The following MISP variants were observed in gnomAD, a reference collection of about 807,000 sequenced individuals.
The protein encoded by MISP is mitotic spindle positioning, also known as mitotic interactor and substrate of PLK1.
In MISP, 51 loss-of-function variants were observed where a neutral mutation model predicts 49.3. The ratio of observed to expected loss-of-function variants is 1.03; its 90% confidence interval spans 0.83 to 1.31. MISP has a LOEUF of 1.31. MISP is among the 50% of genes most tolerant of loss of function. The pLI, the probability that MISP is intolerant of heterozygous loss-of-function variation, is 0.00. For missense variants in MISP, 1,084 were observed against 935.1 expected, an observed-to-expected ratio of 1.16 and a Z score of -2.08; for synonymous variants, 444 against 392.6, an observed-to-expected ratio of 1.13 and a Z score of -1.55.
At position 757,675 on chromosome 19, in the gene MISP, C is replaced by T. The variant is rs140470169; in HGVS notation, c.729C>T (p.His243=). The T allele has an allele frequency of 2.8e-4, 452 of 1,613,708 alleles. No homozygotes were observed. Among genetic ancestry groups the T allele is most frequent in the Non-Finnish European group, 3.4e-4 (401 of 1,179,918 alleles). Residue 243 remains histidine, a synonymous_variant, in exon 2 of 5, where the codon CAC becomes CAT. Coordinates refer to ENST00000215582, the MANE Select transcript of MISP (RefSeq NM_173481.4). ...ACAAGCCCCACCTGGCCAACGGGCA[C>T]GTGGTTCCCATCAAGCCCCAGGTGA... ...AFNKPHLANG[H]VVPIKPQVKG...
chr19:763,011 C>T (rs768332242), intron 4 of MISP, among the ~76,000 whole-genome samples: 2 of 152,148 alleles, frequency 1.3e-5, no homozygotes, highest in Non-Finnish European at 2.9e-5. Context: ...ATACATTGGA[C>T]AGGCACGGTG....
At position 763,582 on chromosome 19, in the gene MISP, G is replaced by A. The variant is rs772635174; in HGVS notation, c.2032G>A (p.Asp678Asn). 4 of 1,613,424 alleles carry A rather than the reference G, an allele frequency of 2.5e-6. No individual in the cohort carries two copies. The highest frequency in any genetic ancestry group is 2.2e-5 in the South Asian group (2 of 91,058). Residue 678 changes from aspartate to asparagine, a missense_variant, in exon 5 of 5, where the codon GAT (aspartate) becomes AAT (asparagine). Transcript: ENST00000215582. ...WESRIYASEE[D>N]D is the part of the protein sequence containing the mutation. ...ATCCCGCATCTACGCCAGTGAGGAG[G>A]ATGACTGAGCCTCGGGATGGGGCGC... is the stretch of plus-strand genomic sequence containing the variant.
At chr19:759,621 C>T (rs1023322329) in intron 2 of MISP, among the ~76,000 whole-genome samples, 1 of 151,328 alleles carries the variant, frequency 6.6e-6, no homozygotes, top group Non-Finnish European at 1.5e-5. Flanking sequence ...AGGACGGTCT[C>T]GATCTCCTGA....
At chr19:762,916 C>T (rs1208750080) in intron 4 of MISP, among the ~76,000 whole-genome samples, 3 of 152,190 alleles carry the variant, frequency 2.0e-5, no homozygotes, top group Non-Finnish European at 4.4e-5. Flanking sequence ...AAGGGATCCT[C>T]CCACCTCAGC....
At chr19:751,435 G>A (rs960071307) in intron 1 of MISP, among the ~76,000 whole-genome samples, 1 of 152,186 alleles carries the variant, frequency 6.6e-6, no homozygotes, top group Admixed American at 6.5e-5. Context: ...AACTCTGCTG[G>A]GGCTTTTGAA....
At chr19:756,674 A>C (rs542103537) in intron 1 of MISP, among the ~76,000 whole-genome samples, 44 of 148,726 alleles carry the variant, frequency 3.0e-4, no homozygotes, top group Non-Finnish European at 5.6e-4. Flanking sequence ...AGAGAATGGG[A>C]TGCACTGATT....
chr19:759,954 C>G lies in MISP; in HGVS notation c.1826C>G (p.Pro609Arg), dbSNP rs2033645993. ...GTGTCTGAGTCTCCCTTCTTCAGCC[C>G]CATCCACCTACACTCAAACGTGGCG... Reference protein sequence around the residue: ...YSVSESPFFSPIHLHSNVAWT... With the variant: ...YSVSESPFFSRIHLHSNVAWT... The change falls in exon 3 of 5, where the codon CCC (proline) becomes CGC (arginine). Residue 609 changes from proline to arginine, a missense_variant. Coordinates refer to ENST00000215582, the MANE Select transcript of MISP (RefSeq NM_173481.4). 1.2e-6 allele frequency: 2 copies of G among 1,613,970 alleles called. No individual in the cohort carries two copies. The highest frequency in any genetic ancestry group is 1.7e-6 in the Non-Finnish European group (2 of 1,179,982).
rs368614247 is a variant in MISP, at chr19:758,491, C to G, written c.1545C>G (p.Asp515Glu). ...RLRPLRFRAP[D>E]EPQQAQVPHV... ...GTCCTCTGCGGTTCAGGGCCCCAGA[C>G]GAGCCCCAGCAGGCCCAAGTCCCCC... Residue 515 changes from aspartate to glutamate, a missense_variant, in exon 2 of 5, where the codon GAC becomes GAG. By Grantham distance (45) the Asp-to-Glu change is conservative. Transcript: ENST00000215582. The G allele has an allele frequency of 6.2e-7, 1 of 1,614,072 alleles. No homozygotes were observed. The highest frequency in any genetic ancestry group is 1.1e-5 in the South Asian group (1 of 91,078).
chr19:753,218 G>A (rs1191643656), intron 1 of MISP, among the ~76,000 whole-genome samples: 1 of 152,126 alleles, frequency 6.6e-6, no homozygotes, highest in Admixed American at 6.6e-5. Flanking sequence ...ATGCCGCCTG[G>A]TTTTCAATGT....
At chr19:762,603 C>G (rs1568245903) in intron 4 of MISP, among the ~76,000 whole-genome samples, 1 of 152,066 alleles carries the variant, frequency 6.6e-6, no homozygotes, top group Non-Finnish European at 1.5e-5. Flanking sequence ...TCAAGCCAAG[C>G]CCCCTCAGTC....
At chr19:751,350 T>C (rs1425976141) in intron 1 of MISP, among the ~76,000 whole-genome samples, 179 bp downstream of exon 1, 1 of 152,068 alleles carries the variant, frequency 6.6e-6, no homozygotes, top group Non-Finnish European at 1.5e-5. Context: ...CTGAGGCACC[T>C]TTCCCTCTGC....
Position 757,731 on chromosome 19 carries a change from G to T in MISP, c.785G>T (p.Arg262Leu), listed in dbSNP as rs199830705. Residue 262 changes from arginine (R) to leucine (L), a missense_variant, in exon 2 of 5, where the codon CGT becomes CTT. Coordinates refer to ENST00000215582, the MANE Select transcript of MISP (RefSeq NM_173481.4). ...GTGGTCAGGGAAGAGAACAAGGTGCGTGCTGTGCCCACCTGGGCCAGTGTC... is the reference window on the plus strand; with the variant it reads ...GTGGTCAGGGAAGAGAACAAGGTGCTTGCTGTGCCCACCTGGGCCAGTGTC... Reference protein sequence around the residue: ...KGVVREENKVRAVPTWASVQV... With the variant: ...KGVVREENKVLAVPTWASVQV... 4 of 1,613,774 alleles carry T rather than the reference G, an allele frequency of 2.5e-6. No homozygotes were observed. Among genetic ancestry groups the T allele is most frequent in the Admixed American group, 1.7e-5 (1 of 60,008 alleles).
At chr19:754,569 G>C (rs1190112749) in intron 1 of MISP, among the ~76,000 whole-genome samples, 5 of 152,274 alleles carry the variant, frequency 3.3e-5, no homozygotes, top group African/African-American at 1.2e-4. Flanking sequence ...GGAGATTGCA[G>C]TGAGCTGAGA....
chr19:760,129 G>C, intron 3 of MISP, 90 bp downstream of exon 3: 1 of 1,515,840 alleles, frequency 6.6e-7, no homozygotes. Flanking sequence ...ACTCAAGCCT[G>C]ACCTGGGTTC....
chr19:758,135 T>C lies in MISP; in HGVS notation c.1189T>C (p.Ser397Pro). Residue 397 changes from serine to proline, a missense_variant, in exon 2 of 5, where the codon TCC becomes CCC. By Grantham distance (74) the Ser-to-Pro change is moderately conservative. Coordinates refer to ENST00000215582, the MANE Select transcript of MISP (RefSeq NM_173481.4). The stretch of plus-strand genomic sequence containing the variant: ...ACTCCGGAGAGCCCTCAGCTCAGAT[T>C]CCATCCTCAGCCCGGCCCCAGATGC... ...PGLRRALSSD[S>P]ILSPAPDARA... The C allele has an allele frequency of 6.2e-7, 1 of 1,611,048 alleles. No homozygotes were observed.
chr19:762,678 A>G (rs1156745296), intron 4 of MISP, among the ~76,000 whole-genome samples: 1 of 149,658 alleles, frequency 6.7e-6, no homozygotes, highest in Non-Finnish European at 1.5e-5. Flanking sequence ...TACTTTTTTG[A>G]GACAGGCTCT....
chr19:758,807 G>T, intron 2 of MISP, 81 bp downstream of exon 2: 1 of 1,263,722 alleles, frequency 7.9e-7, no homozygotes. Flanking sequence ...GGTGGAGTTT[G>T]AGGCTGTCAA....
upstream of MISP, among the ~76,000 whole-genome samples, chr19:749,778 C>T (rs977722834): frequency 2.0e-5 from 3 of 152,012 alleles, no homozygotes; most frequent in African/African-American, 4.8e-5. Flanking sequence ...GAGCCGAGAT[C>T]GTGCCACTGC....
rs771105761 is a variant in MISP, at chr19:763,595, C to T, written c.*5C>T. 50 of 1,608,692 alleles carry T rather than the reference C, an allele frequency of 3.1e-5. No individual in the cohort carries two copies. Among genetic ancestry groups the T allele is most frequent in the African/African-American group, 5.4e-5 (4 of 74,762 alleles). ...GCCAGTGAGGAGGATGACTGAGCCTCGGGATGGGGCGCCCACCCCCTGCCC... is the reference window on the plus strand; with the variant it reads ...GCCAGTGAGGAGGATGACTGAGCCTTGGGATGGGGCGCCCACCCCCTGCCC... On this transcript the variant is annotated 3_prime_UTR_variant, in exon 5 of 5. Transcript: ENST00000215582.
Sources: allele counts gnomAD v4.1 joint callset (sites outside exome capture counted in the v4.1 genomes callset), GRCh38; gene constraint gnomAD v4.1.1; transcripts MANE v1.5; gene names NCBI Gene and HGNC (gene_info 2026-07-23, HGNC 2026-07-21).